Variants in INPP4A observed in about 807,000 individuals in gnomAD.
INPP4A encodes the protein inositol polyphosphate-4-phosphatase, type I, 107kD.
Under a neutral mutation model 119.8 loss-of-function variants are expected in INPP4A, and 33 were observed. The observed-to-expected ratio is 0.28, with a 90% confidence interval of 0.21 to 0.37. The LOEUF is 0.37. INPP4A is among the 10% of genes least tolerant of loss of function. INPP4A has a pLI of 1.00. For synonymous variants in INPP4A, 496 were observed against 500.7 expected, an observed-to-expected ratio of 0.99 and a Z score of 0.12; for missense variants, 956 against 1,289.9, an observed-to-expected ratio of 0.74 and a Z score of 3.97.
rs969876696 is a variant in INPP4A, at chr2:98,554,907, T to C, written c.1566+418T>C. Among the ~76,000 whole-genome samples the C allele has an allele frequency of 9.8e-5, 15 of 152,350 alleles. No individual in the cohort carries two copies. The South Asian group carries it at 2.1e-3, about 21-fold the overall frequency. The stretch of plus-strand genomic sequence containing the variant: ...GCTCTGGTGCTGGGGCAAGTAGATA[T>C]GGATTTTGGAGCTGCCGCCCTGACA... On this transcript the variant is annotated intron_variant, in intron 15 of 24. Transcript: ENST00000409851. This position sits in a 1 kb window ranked among gnomAD's most constrained non-coding sequence, Gnocchi z 4.7.
chr2:98,495,287 A>G (rs937100697), intron 1 of INPP4A, among the ~76,000 whole-genome samples: 8 of 152,232 alleles, frequency 5.3e-5, no homozygotes, highest in East Asian at 1.9e-4. Flanking sequence ...AACTGCTATT[A>G]TATTTGTTCC....
chr2:98,483,011 A>T (rs183692170), intron 1 of INPP4A, among the ~76,000 whole-genome samples: 11 of 152,370 alleles, frequency 7.2e-5, no homozygotes, highest in Non-Finnish European at 1.3e-4. Context: ...ATCTTAAAAA[A>T]ATTCCAAACC....
Position 98,563,646 on chromosome 2 carries a change from C to G in INPP4A, c.2028+9C>G, listed in dbSNP as rs770669344. 3 of 1,611,686 alleles carry G rather than the reference C, an allele frequency of 1.9e-6. No individual in the cohort carries two copies. The highest frequency in any genetic ancestry group is 8.5e-7 in the Non-Finnish European group (1 of 1,179,692). On this transcript the variant is annotated intron_variant, in intron 18 of 24. Transcript: ENST00000409851. ...TGGTCTTCTGCCAGACGGTAGGCCC[C>G]GGGAGCACCCCGAGGGAGACCACGG...
intron 4 of INPP4A, among the ~76,000 whole-genome samples, chr2:98,523,434 T>G (rs1412900942): frequency 6.6e-6 from 1 of 151,482 alleles, no homozygotes; most frequent in Non-Finnish European, 1.5e-5. Flanking sequence ...TCTCTCTGTC[T>G]CCCGGGGTGG....
In INPP4A at chr2:98,532,498, G is replaced by A. The variant is rs190676476; in HGVS notation, c.152-879G>A. Reference sequence around the variant, plus strand: ...AAGTATAGTCGTGTGTCATTTAATGGTGGGGCTACGTTCTGTCAAATGTGT... The same window carrying A: ...AAGTATAGTCGTGTGTCATTTAATGATGGGGCTACGTTCTGTCAAATGTGT... On this transcript the variant is annotated intron_variant, in intron 4 of 24. Transcript: ENST00000409851. 1.4e-4 allele frequency among the ~76,000 whole-genome samples: 21 copies of A among 152,200 alleles called. No homozygotes were observed. In the East Asian group the frequency reaches 3.5e-3, roughly 25 times the overall value.
chr2:98,490,092 G>T (rs1041304096), intron 1 of INPP4A, among the ~76,000 whole-genome samples: 3 of 151,810 alleles, frequency 2.0e-5, no homozygotes, highest in Non-Finnish European at 4.4e-5. Flanking sequence ...GTCTGGGTGT[G>T]CCTCTCAGTC....
intron 2 of INPP4A, 147 bp downstream of exon 2, chr2:98,519,172 A>G (rs1574878476): frequency 6.6e-6 from 1 of 152,330 alleles, no homozygotes; most frequent in Middle Eastern, 3.4e-3. Flanking sequence ...TGCTCAGTCT[A>G]ATTATCTTAA....
chr2:98,514,286 T>C (rs1685688514), intron 1 of INPP4A, among the ~76,000 whole-genome samples: 1 of 151,380 alleles, frequency 6.6e-6, no homozygotes, highest in East Asian at 1.9e-4. Flanking sequence ...AGAGAGGGGG[T>C]GTGGTATTGT....
intron 22 of INPP4A, among the ~76,000 whole-genome samples, chr2:98,572,512 G>T (rs1185808210): frequency 6.6e-6 from 1 of 152,244 alleles, no homozygotes; most frequent in Non-Finnish European, 1.5e-5. Flanking sequence ...CCCTCATCTG[G>T]GAGGGGTGCG....
At chr2:98,553,090 A>G in intron 14 of INPP4A, 121 bp downstream of exon 14, 1 of 789,480 alleles carries the variant, frequency 1.3e-6, no homozygotes, top group Non-Finnish European at 2.0e-6. Flanking sequence ...ATGACTTTGA[A>G]GGTCTACCTT....
At chr2:98,536,338 C>G (rs1690264063) in intron 7 of INPP4A, 130 bp downstream of exon 7, 3 of 645,606 alleles carry the variant, frequency 4.6e-6, no homozygotes, top group Non-Finnish European at 5.7e-6. Context: ...CGTGGGGACA[C>G]TGTGTTGTCT....
rs141435462 is a variant in INPP4A at position 98,564,004 on chromosome 2, A to C, written c.2028+367A>C. Among the ~76,000 whole-genome samples, 10 of 151,850 alleles carry C rather than the reference A, an allele frequency of 6.6e-5. No individual in the cohort carries two copies. In the East Asian group the frequency reaches 1.9e-3, roughly 29 times the overall value. ...AACACAGGTATTTGCTGTCAGTGCA[A>C]ACATTGCTCGTATAACAGTAGGTGC... On this transcript the variant is annotated intron_variant, in intron 18 of 24. Transcript: ENST00000409851.
chr2:98,473,639 A>C (rs1676616998), intron 1 of INPP4A, among the ~76,000 whole-genome samples: 1 of 151,940 alleles, frequency 6.6e-6, no homozygotes, highest in African/African-American at 2.4e-5. Flanking sequence ...CCACTCAGTG[A>C]GTGACCTCAC....
chr2:98,548,897 G>T (rs1298241383), intron 13 of INPP4A: 2 of 1,528,692 alleles, frequency 1.3e-6, no homozygotes, highest in African/African-American at 1.4e-5. Flanking sequence ...TTTTGTTTTT[G>T]CATTTGGTAT....
At chr2:98,523,518 C>CTA (rs1290668676) in intron 4 of INPP4A, among the ~76,000 whole-genome samples, 1 of 151,906 alleles carries the variant, frequency 6.6e-6, no homozygotes, top group Admixed American at 6.6e-5. Context: ...CCTCAGCCTC[C>CTA]CGAGTAGTTG....
chr2:98,546,538 C>A lies in INPP4A; in HGVS notation c.1055-48C>A. The A allele has an allele frequency of 7.2e-7, 1 of 1,389,706 alleles. No homozygotes were observed. The highest frequency in any genetic ancestry group is 1.2e-5 in the South Asian group (1 of 84,554). 86.1% of individuals were successfully genotyped at this position (1,389,706 alleles called of 1,614,324 possible). A position where few individuals can be genotyped will look rare whatever the true frequency, so the allele number is the denominator to read the frequency against. Reference sequence around the variant, plus strand: ...GTGCATATCCCTATAGCTGGCTTGTCCACAGGCCTGAGCCCAGAGTAATGG... The same window carrying A: ...GTGCATATCCCTATAGCTGGCTTGTACACAGGCCTGAGCCCAGAGTAATGG... On this transcript the variant is annotated intron_variant, in intron 12 of 24. Transcript: ENST00000409851. This position sits in a 1 kb window ranked among gnomAD's most constrained non-coding sequence, Gnocchi z 4.2.
chr2:98,527,228 C>A (rs1688347936), intron 4 of INPP4A, among the ~76,000 whole-genome samples: 1 of 152,120 alleles, frequency 6.6e-6, no homozygotes, highest in Non-Finnish European at 1.5e-5. Context: ...GGTTGGAGAT[C>A]CTACAAAAAA....
chr2:98,562,960 G>C (rs1175418260), intron 17 of INPP4A, among the ~76,000 whole-genome samples: 1 of 152,166 alleles, frequency 6.6e-6, no homozygotes, highest in Non-Finnish European at 1.5e-5. Context: ...GGTAAGAATT[G>C]AACACAGTTG....
chr2:98,496,782 C>G (rs944584193), intron 1 of INPP4A, among the ~76,000 whole-genome samples: 1 of 152,140 alleles, frequency 6.6e-6, no homozygotes, highest in Non-Finnish European at 1.5e-5. Context: ...CATCACTAAT[C>G]ATCAGGGAAA....
Sources: allele counts gnomAD v4.1 joint callset (sites outside exome capture counted in the v4.1 genomes callset), GRCh38; gene constraint gnomAD v4.1.1; non-coding constraint Gnocchi (gnomAD v3.1); transcripts MANE v1.5; gene names NCBI Gene and HGNC (gene_info 2026-07-23, HGNC 2026-07-21).